The following SOX5 variants were observed in gnomAD, a reference collection of about 807,000 sequenced individuals.
SOX5 encodes SRY-box transcription factor 5.
A neutral mutation model predicts 92.0 loss-of-function variants in SOX5; 9 were observed. The ratio of observed to expected loss-of-function variants is 0.10; its 90% confidence interval spans 0.06 to 0.17. The LOEUF is 0.17. Among genes scored for constraint, SOX5 ranks in the 10% least tolerant of loss-of-function variants. SOX5 has a pLI of 1.00. For missense variants in SOX5, 642 were observed against 944.5 expected (o/e 0.68, Z 4.20); for synonymous variants, 344 against 336.3 (o/e 1.02, Z -0.25).
intron 2 of SOX5, among the ~76,000 whole-genome samples, chr12:24,338,804 G>A (rs1186760040): frequency 2.0e-5 from 3 of 152,240 alleles, no homozygotes; most frequent in East Asian, 1.9e-4. Flanking sequence ...CTACCACCAC[G>A]TAAGATGTGG....
rs148475771 is a variant in SOX5, at chr12:23,826,045, C to G, written c.481+19938G>C. Among the ~76,000 whole-genome samples, 848 of 151,868 alleles carry G rather than the reference C, an allele frequency of 5.6e-3. 12 individuals are homozygous for G. Among genetic ancestry groups the G allele is most frequent in the African/African-American group, 0.019 (788 of 41,414 alleles). ...CATTTCTCTTTTTTTTTATTATACTCTAAGTTTTAGGGCACATGTGTACAA... is the reference window on the plus strand; with the variant it reads ...CATTTCTCTTTTTTTTTATTATACTGTAAGTTTTAGGGCACATGTGTACAA... On this transcript the variant is annotated intron_variant, in intron 3 of 14. Coordinates refer to ENST00000451604, the MANE Select transcript of SOX5 (RefSeq NM_006940.6).
chr12:24,214,604 T>A (rs556297440), intron 3 of SOX5, among the ~76,000 whole-genome samples: 1 of 152,236 alleles, frequency 6.6e-6, no homozygotes, highest in East Asian at 1.9e-4. Context: ...AACAAGCTTA[T>A]TAAAATTGTA....
intron 6 of SOX5, among the ~76,000 whole-genome samples, chr12:23,688,163 T>C (rs560334041): frequency 2.0e-5 from 3 of 152,208 alleles, no homozygotes; most frequent in Admixed American, 2.0e-4. Context: ...TGAAATAGAA[T>C]GGCCTGACAT....
At chr12:23,561,888 G>T (rs913040010) in intron 11 of SOX5, among the ~76,000 whole-genome samples, 1 of 151,428 alleles carries the variant, frequency 6.6e-6, no homozygotes, top group South Asian at 2.1e-4. Flanking sequence ...AATTCAATGC[G>T]CTTAACAAAT....
intron 1 of SOX5, among the ~76,000 whole-genome samples, chr12:24,432,542 C>T (rs370966078): frequency 6.6e-5 from 10 of 152,002 alleles, no homozygotes; most frequent in South Asian, 4.2e-4. Context: ...CAGCTGGGTG[C>T]GGTGGCTCAC....
chr12:23,876,879 C>T (rs1259176569), intron 2 of SOX5, among the ~76,000 whole-genome samples: 2 of 152,100 alleles, frequency 1.3e-5, no homozygotes, highest in African/African-American at 4.8e-5. Context: ...TAATTCTCAG[C>T]AAACTAACAC....
intron 4 of SOX5, among the ~76,000 whole-genome samples, chr12:24,050,132 G>A (rs1453974973): frequency 4.0e-5 from 6 of 150,038 alleles, no homozygotes; most frequent in Admixed American, 4.0e-4. Flanking sequence ...AAAGGGGAGT[G>A]GATAAGTGAC....
At chr12:24,428,212 CAA>C (rs75812981) in intron 1 of SOX5, among the ~76,000 whole-genome samples, 3 of 134,046 alleles carry the variant, frequency 2.2e-5, no homozygotes, top group Admixed American at 7.5e-5. Context: ...ACCCAAAAAC[CAA>C]AAAAAAAAAA....
chr12:24,012,407 G>GT (rs1828970170), intron 4 of SOX5, among the ~76,000 whole-genome samples: 2 of 152,026 alleles, frequency 1.3e-5, no homozygotes, highest in Non-Finnish European at 2.9e-5. Flanking sequence ...CATATGACAC[G>GT]GAAGTCCTAC....
In SOX5 at chr12:23,693,147, G is replaced by A. The variant is rs550862801; in HGVS notation, c.811-27583C>T. 2.0e-5 allele frequency among the ~76,000 whole-genome samples: 3 copies of A among 152,146 alleles called. No individual in the cohort carries two copies. The South Asian group carries it at 6.2e-4, about 32-fold the overall frequency. On this transcript the variant is annotated intron_variant, in intron 6 of 14. Transcript: ENST00000451604. Reference sequence around the variant, plus strand: ...TATTGTTGTTGTTGTTGTTGAGACAGAGTCTCACTGTGTTGCCCAGGCTGG... The same window carrying A: ...TATTGTTGTTGTTGTTGTTGAGACAAAGTCTCACTGTGTTGCCCAGGCTGG...
intron 1 of SOX5, among the ~76,000 whole-genome samples, chr12:24,436,532 T>G (rs914335474): frequency 6.6e-6 from 1 of 152,166 alleles, no homozygotes; most frequent in Non-Finnish European, 1.5e-5. Flanking sequence ...GAAGTAAAGT[T>G]TAAAACCAGC....
At chr12:24,183,214 T>C (rs368149501) in intron 4 of SOX5, among the ~76,000 whole-genome samples, 2 of 152,222 alleles carry the variant, frequency 1.3e-5, no homozygotes. Flanking sequence ...TCTTTTTAAG[T>C]TCCAATAAAA....
rs115713609 is a variant in SOX5 at position 24,452,411 on chromosome 12, G to A, written c.-250-83772C>T. ...TCATCCACAGTTACTGGAGAAGTTC[G>A]GAGCAGGAATGTGTCCCTTGGGACT... On this transcript the variant is annotated intron_variant, in intron 1 of 4. Transcript: ENST00000446891. 4.5e-3 allele frequency among the ~76,000 whole-genome samples: 678 copies of A among 152,236 alleles called. 4 individuals carry two copies. The highest frequency in any genetic ancestry group is 0.015 in the African/African-American group (639 of 41,538).
chr12:23,913,635 C>T (rs1473297068), intron 1 of SOX5, among the ~76,000 whole-genome samples: 1 of 151,368 alleles, frequency 6.6e-6, no homozygotes, highest in Non-Finnish European at 1.5e-5. Context: ...ACTCAAGAGG[C>T]TAAGGCAGGA....
rs368991382 is a variant in SOX5 at position 24,059,026 on chromosome 12, T to TGC, written c.-2+154315_-2+154316dup. On this transcript the variant is annotated intron_variant, in intron 4 of 4. Coordinates refer to the SOX5 transcript ENST00000446891. ...AAGAAACACTGCATTAATCTAGCTA[T>TGC]GCTATTTCATTTTATTATAACATTT... Among the ~76,000 whole-genome samples the TGC allele has an allele frequency of 5.3e-3, 801 of 152,238 alleles. 7 individuals carry two copies. Among genetic ancestry groups the TGC allele is most frequent in the African/African-American group, 0.019 (776 of 41,482 alleles).
chr12:24,119,592 A>T (rs1335718147), intron 4 of SOX5, among the ~76,000 whole-genome samples: 1 of 152,146 alleles, frequency 6.6e-6, no homozygotes, highest in African/African-American at 2.4e-5. Context: ...ATAGGTAATA[A>T]GATATTAGAG....
intron 3 of SOX5, among the ~76,000 whole-genome samples, chr12:23,787,845 T>A (rs1299264023): frequency 6.6e-6 from 1 of 151,910 alleles, no homozygotes; most frequent in Non-Finnish European, 1.5e-5. Context: ...ACAGGCTCAA[T>A]GCTCATAACC....
chr12:24,353,234 A>G (rs1311398717), intron 2 of SOX5, among the ~76,000 whole-genome samples: 1 of 152,194 alleles, frequency 6.6e-6, no homozygotes, highest in Non-Finnish European at 1.5e-5. Context: ...TGTGACACTG[A>G]TTCACCAGGT....
chr12:24,533,002 T>TTATA (rs1951326619), intron 1 of SOX5, among the ~76,000 whole-genome samples: 1 of 152,232 alleles, frequency 6.6e-6, no homozygotes, highest in Non-Finnish European at 1.5e-5. Context: ...ACTATTTCCA[T>TTATA]TATAGCAAGG....
Sources: gnomAD v4.1 joint callset for allele counts (sites outside exome capture counted in the v4.1 genomes callset) on GRCh38, gnomAD v4.1.1 for gene constraint, MANE v1.5 for transcripts, NCBI Gene and HGNC (gene_info 2026-07-23, HGNC 2026-07-21) for gene names.